The following UCKL1 variants were observed in gnomAD, a reference collection of about 807,000 sequenced individuals.
The protein encoded by UCKL1 is uridine-cytidine kinase-like 1.
A neutral mutation model predicts 59.2 loss-of-function variants in UCKL1; 65 were observed. The observed-to-expected ratio is 1.10, with a 90% CI of 0.90 to 1.35. The LOEUF (loss-of-function observed/expected upper bound fraction) is 1.35, where lower values mean the gene tolerates loss of function less well. UCKL1 is among the 40% of genes most tolerant of loss of function. The pLI is 0.00. For missense variants in UCKL1, 703 were observed against 784.3 expected (o/e 0.90, Z 1.24); for synonymous variants, 410 against 323.1 (o/e 1.27, Z -2.88).
intron 8 of UCKL1, among the ~76,000 whole-genome samples, chr20:63,942,073 C>T (rs112363030): frequency 3.6e-3 from 1 of 276 alleles, no homozygotes; most frequent in Non-Finnish European, 6.8e-3. Flanking sequence ...AGGGGCGGGG[C>T]CGGGAATGGG....
rs2054048443 is a variant in UCKL1, at chr20:63,940,386, C to T, written c.1402G>A (p.Val468Met). The T allele has an allele frequency of 1.9e-6, 3 of 1,611,680 alleles. No homozygotes were observed. The highest frequency in any genetic ancestry group is 8.5e-7 in the Non-Finnish European group (1 of 1,179,236). ...ACCCAGGGCTCACTCACCAGGAGCA[C>T]GCGCACTGCCATCATGGCCGCCGCG... ...TGAAAMMAVR[V>M]LLDHDVPEDK... The change falls in exon 13 of 15, where the codon GTG becomes ATG. Residue 468 changes from valine to methionine, a missense_variant. By Grantham distance (21) the Val-to-Met change is conservative. Transcript: ENST00000354216.
Position 63,941,059 on chromosome 20 carries a change from T to G in UCKL1, c.1023-16A>C, listed in dbSNP as rs768853484. 2.5e-6 allele frequency: 4 copies of G among 1,594,778 alleles called. No homozygotes were observed. The Admixed American group carries it at 5.4e-5, about 21-fold the overall frequency. On this transcript the variant is annotated splice_polypyrimidine_tract_variant and intron_variant, in intron 9 of 14. Transcript: ENST00000354216. ...CTCCTTGTCCCTGTGGGGCCAACAG[T>G]TGAGCGGGAGCACGCGCCCGGGGCC... is the stretch of plus-strand genomic sequence containing the variant.
At chr20:63,941,322 C>T (rs1030715797) in intron 8 of UCKL1, 114 bp from the exon 9 acceptor site, 46 of 1,430,946 alleles carry the variant, frequency 3.2e-5, no homozygotes, top group Non-Finnish European at 4.3e-5. Flanking sequence ...AGGCACAGCA[C>T]GAGGTGCAGA....
rs766435573 is a variant in UCKL1, at chr20:63,944,557, C to T, written c.832G>A (p.Val278Met). 145 of 1,610,572 alleles carry T rather than the reference C, an allele frequency of 9.0e-5. No homozygotes were observed. Among genetic ancestry groups the T allele is most frequent in the African/African-American group, 2.7e-5 (2 of 74,916 alleles). ...IQPTMRLADI[V>M]VPRGSGNTVA... ...CCAGCAGGCTCACCTCTGGGGACCA[C>T]GATGTCTGCCAGGCGCATGGTGGGC... The change falls in exon 6 of 15, where the codon GTG becomes ATG. Residue 278 changes from valine (V) to methionine (M), a missense_variant. By Grantham distance (21) the Val-to-Met change is conservative (BLOSUM62 1). Around this residue, in one of 4 missense-constraint regions of UCKL1, gnomAD observed 156 missense variants for 185.6 expected, o/e 0.84. Transcript: ENST00000354216.
intron 1 of UCKL1, among the ~76,000 whole-genome samples, chr20:63,949,382 ATGGGACC>A (rs1444422707): frequency 6.6e-6 from 1 of 152,004 alleles, no homozygotes; most frequent in Middle Eastern, 3.2e-3. Context: ...TGCAGCTGGA[ATGGGACC>A]TGCACCCCAC....
rs747105683 is a variant in UCKL1 at position 63,940,174 on chromosome 20, G to T, written c.1543C>A (p.Leu515Ile). Reference sequence around the variant, plus strand: ...CCAATGCCTGGGATGATGCGGAAAAGGTCATTGACCCGCTTGTCCACCGCC... The same window carrying T: ...CCAATGCCTGGGATGATGCGGAAAATGTCATTGACCCGCTTGTCCACCGCC... Reference protein sequence around the residue: ...TTAVDKRVNDLFRIIPGIGNF... With the variant: ...TTAVDKRVNDIFRIIPGIGNF... Residue 515 changes from leucine to isoleucine, a missense_variant, in exon 14 of 15, where the codon CTT (leucine) becomes ATT (isoleucine). Physicochemically the swap from Leu to Ile is conservative, Grantham distance 5. Coordinates refer to ENST00000354216, the MANE Select transcript of UCKL1 (RefSeq NM_017859.4). 1.2e-6 allele frequency: 2 copies of T among 1,612,752 alleles called. No homozygotes were observed.
chr20:63,945,641 G>A lies in UCKL1; in HGVS notation c.654+10C>T, dbSNP rs1445359176. On this transcript the variant is annotated intron_variant, in intron 5 of 14. Transcript: ENST00000354216. The stretch of plus-strand genomic sequence containing the variant: ...TACCAGCGGGGTGGGTATTCCCGGC[G>A]GGTGCTTACCTCCAACAGTGTCTTG... 7 of 1,612,444 alleles carry A rather than the reference G, an allele frequency of 4.3e-6. No individual in the cohort carries two copies. Among genetic ancestry groups the A allele is most frequent in the Admixed American group, 3.3e-5 (2 of 60,000 alleles).
chr20:63,950,770 T>C, intron 1 of UCKL1: 2 of 1,537,688 alleles, frequency 1.3e-6, no homozygotes, highest in East Asian at 2.5e-5. Flanking sequence ...TGCCTTCTGC[T>C]CCAAGGGCCC....
chr20:63,941,363 G>T (rs2054344602), intron 8 of UCKL1, 155 bp from the exon 9 acceptor site: 1 of 1,174,010 alleles, frequency 8.5e-7, no homozygotes. Context: ...GGGCTGAGCT[G>T]GGGGGAGACG....
intron 1 of UCKL1, 93 bp from the exon 2 acceptor site, chr20:63,946,736 C>G: frequency 7.3e-7 from 1 of 1,365,628 alleles, no homozygotes; most frequent in Non-Finnish European, 1.0e-6. Flanking sequence ...CCCCCCCACC[C>G]CCTCAACAGG....
intron 1 of UCKL1, chr20:63,950,669 C>T: frequency 7.5e-7 from 1 of 1,330,094 alleles, no homozygotes; most frequent in Non-Finnish European, 9.8e-7. Flanking sequence ...TCCTGATATC[C>T]ACAGACATGC....
At chr20:63,954,641 C>T (rs1043824869) in intron 1 of UCKL1, 2 of 152,316 alleles carry the variant, frequency 1.3e-5, no homozygotes, top group African/African-American at 4.8e-5. Context: ...GCACAAGCAT[C>T]AGGACACAAA....
rs778557867 is a variant in UCKL1 at position 63,945,847 on chromosome 20, C to T, written c.540G>A (p.Val180=). The change falls in exon 4 of 15, where the codon GTG becomes GTA. Residue 180 remains valine, a synonymous_variant. Coordinates refer to ENST00000354216, the MANE Select transcript of UCKL1 (RefSeq NM_017859.4). ...TGTGCGTGGTGAAGTCATAAATGGG[C>T]ACCTTGACACTCTTCCCCTGCTTCA... ...KKLKQGKSVK[V]PIYDFTTHSR... 2.1e-5 allele frequency: 34 copies of T among 1,613,582 alleles called. No individual in the cohort carries two copies. The highest frequency in any genetic ancestry group is 2.8e-5 in the Non-Finnish European group (33 of 1,179,974).
chr20:63,945,542 C>T (rs1426868466), intron 5 of UCKL1, 109 bp downstream of exon 5: 3 of 1,170,760 alleles, frequency 2.6e-6, no homozygotes, highest in East Asian at 2.4e-5. Flanking sequence ...CTGGCCTAGG[C>T]CTATACAGTG....
chr20:63,940,242 T>C lies in UCKL1; in HGVS notation c.1475A>G (p.His492Arg). 1 of 1,612,736 alleles carries C rather than the reference T, an allele frequency of 6.2e-7. No homozygotes were observed. Among genetic ancestry groups the C allele is most frequent in the Non-Finnish European group, 8.5e-7 (1 of 1,179,978 alleles). The change falls in exon 14 of 15, where the codon CAC becomes CGC. Residue 492 changes from histidine to arginine, a missense_variant. Physicochemically the swap from His to Arg is conservative, Grantham distance 29. Coordinates refer to ENST00000354216, the MANE Select transcript of UCKL1 (RefSeq NM_017859.4). Reference sequence around the variant, plus strand: ...TCGCGGAAATGCATAGGCCACTGAGTGCACGCCCATCTCTGCCATGAGCAG... The same window carrying C: ...TCGCGGAAATGCATAGGCCACTGAGCGCACGCCCATCTCTGCCATGAGCAG... ...LSLLMAEMGV[H>R]SVAYAFPRVR...
At chr20:63,944,048 C>T (rs547484847) in intron 7 of UCKL1, among the ~76,000 whole-genome samples, 16 of 152,184 alleles carry the variant, frequency 1.1e-4, no homozygotes, top group African/African-American at 3.9e-4. Flanking sequence ...CCTGGCCTGG[C>T]GTGGGACTCA....
At chr20:63,944,324 TG>T (rs991372292) in intron 7 of UCKL1, 72 bp downstream of exon 7, 18 of 1,407,716 alleles carry the variant, frequency 1.3e-5, no homozygotes, top group Non-Finnish European at 1.6e-5. Flanking sequence ...ACCAGGCCAC[TG>T]GGGGTGGTGG....
chr20:63,946,803 C>T (rs192895333), intron 1 of UCKL1, among the ~76,000 whole-genome samples, 160 bp from the exon 2 acceptor site: 5 of 152,084 alleles, frequency 3.3e-5, no homozygotes, highest in East Asian at 1.9e-4. Flanking sequence ...CTGGGCTGGG[C>T]GTGGTGGCTC....
Position 63,944,392 on chromosome 20 carries a change from C to T in UCKL1, c.906+5G>A, listed in dbSNP as rs760913151. 11 of 1,556,814 alleles carry T rather than the reference C, an allele frequency of 7.1e-6. No homozygotes were observed. Among genetic ancestry groups the T allele is most frequent in the South Asian group, 3.6e-5 (3 of 84,492 alleles). On this transcript the variant is annotated splice_donor_5th_base_variant and intron_variant, in intron 7 of 14. Coordinates refer to ENST00000354216, the MANE Select transcript of UCKL1 (RefSeq NM_017859.4). ...TAGGCCGTGGGGACGTGGGACCCCG[C>T]TCACCTCCTCCAGCTGGCTGTGCAC... is the stretch of plus-strand genomic sequence containing the variant.
Sources: allele counts gnomAD v4.1 joint callset (sites outside exome capture counted in the v4.1 genomes callset), GRCh38; gene constraint gnomAD v4.1.1; regional missense constraint gnomAD v4.1.1; transcripts MANE v1.5; gene names NCBI Gene and HGNC (gene_info 2026-07-23, HGNC 2026-07-21).